The following CSMD3 variants were observed in gnomAD, a reference collection of about 807,000 sequenced individuals.
CSMD3 encodes CUB and sushi domain-containing protein 3.
Under a neutral mutation model 435.2 loss-of-function variants are expected in CSMD3, and 177 were observed. The observed-to-expected ratio is 0.41, with a 90% CI of 0.36 to 0.46. The LOEUF is 0.46. Among genes scored for constraint, CSMD3 ranks in the 20% least tolerant of loss-of-function variants. The pLI, the probability that CSMD3 is intolerant of heterozygous loss-of-function variation, is 0.34. For synonymous variants in CSMD3, 1,656 were observed against 1,520.5 expected, an observed-to-expected ratio of 1.09 and a Z score of -2.07; for missense variants, 4,265 against 4,504.6, an observed-to-expected ratio of 0.95 and a Z score of 1.52.
At chr8:113,225,785 T>C (rs2093020836) in intron 3 of CSMD3, among the ~76,000 whole-genome samples, 1 of 151,508 alleles carries the variant, frequency 6.6e-6, no homozygotes, top group Non-Finnish European at 1.5e-5. Flanking sequence ...AGAGAATTTC[T>C]TTCTTTAATC....
At chr8:112,397,909 A>T (rs1203355209) in intron 35 of CSMD3, among the ~76,000 whole-genome samples, 1 of 152,184 alleles carries the variant, frequency 6.6e-6, no homozygotes, top group Non-Finnish European at 1.5e-5. Context: ...AGCATCAACC[A>T]TAAGTCTAAT....
intron 9 of CSMD3, among the ~76,000 whole-genome samples, chr8:112,941,176 C>T (rs12156217): frequency 0.054 from 8,152 of 151,726 alleles, 231 homozygotes; most frequent in Non-Finnish European, 0.062. Context: ...CAGGCAAAAA[C>T]GCTAAGATAT....
chr8:113,230,025 AT>A, intron 3 of CSMD3, among the ~76,000 whole-genome samples: 1 of 151,704 alleles, frequency 6.6e-6, no homozygotes, highest in East Asian at 1.9e-4. Context: ...AAGAAAAATC[AT>A]CAAGAGATTG....
intron 9 of CSMD3, among the ~76,000 whole-genome samples, chr8:112,936,766 C>CA (rs1337785422): frequency 1.3e-5 from 2 of 151,974 alleles, no homozygotes; most frequent in African/African-American, 4.8e-5. Flanking sequence ...AAATTATTCC[C>CA]AAAATATACT....
chr8:113,317,832 A>G (rs993360794), intron 1 of CSMD3, among the ~76,000 whole-genome samples: 17 of 151,986 alleles, frequency 1.1e-4, no homozygotes, highest in African/African-American at 3.4e-4. Context: ...TATTATGCCT[A>G]TTTTTCTGAA....
chr8:112,555,572 A>G (rs1397127035), intron 25 of CSMD3, among the ~76,000 whole-genome samples: 2 of 151,984 alleles, frequency 1.3e-5, no homozygotes, highest in African/African-American at 4.8e-5. Context: ...CAAAATTCAG[A>G]TGCCGTCTGA....
chr8:112,409,084 G>GAAAAAA, intron 32 of CSMD3, 52 bp from the exon 33 acceptor site: 3 of 1,607,452 alleles, frequency 1.9e-6, no homozygotes, highest in East Asian at 2.2e-5. Context: ...ATCCAAAAAC[G>GAAAAAA]AAAACAAAAA....
intron 16 of CSMD3, among the ~76,000 whole-genome samples, chr8:112,680,412 G>C (rs1048422862): frequency 6.6e-6 from 1 of 152,084 alleles, no homozygotes; most frequent in Non-Finnish European, 1.5e-5. Context: ...TTTTCTTACT[G>C]GTTCCCCAAA....
intron 59 of CSMD3, among the ~76,000 whole-genome samples, chr8:112,280,594 T>C (rs1818536298): frequency 6.9e-6 from 1 of 143,928 alleles, no homozygotes; most frequent in South Asian, 2.3e-4. Flanking sequence ...TTATTGTTGG[T>C]TAAATACTAT....
At chr8:112,881,947 A>T (rs1342405281) in intron 10 of CSMD3, among the ~76,000 whole-genome samples, 1 of 151,902 alleles carries the variant, frequency 6.6e-6, no homozygotes, top group Non-Finnish European at 1.5e-5. Flanking sequence ...GAACAAACAT[A>T]ATATTGTACA....
At chr8:113,108,188 G>C (rs573094830) in intron 4 of CSMD3, among the ~76,000 whole-genome samples, 2 of 152,040 alleles carry the variant, frequency 1.3e-5, no homozygotes, top group Non-Finnish European at 2.9e-5. Flanking sequence ...CCAGCACTTC[G>C]GGAGGCCAAG....
At chr8:112,763,631 T>C (rs1379537334) in intron 13 of CSMD3, among the ~76,000 whole-genome samples, 1 of 148,904 alleles carries the variant, frequency 6.7e-6, no homozygotes, top group Non-Finnish European at 1.5e-5. Flanking sequence ...TTTTTATTCC[T>C]ATGAAACTAT....
chr8:113,314,862 T>C, intron 1 of CSMD3, 69 bp from the exon 2 acceptor site: 1 of 1,100,264 alleles, frequency 9.1e-7, no homozygotes, highest in Non-Finnish European at 1.4e-6. Context: ...GATAATATTA[T>C]TTTGAAAGTC....
At chr8:112,558,563 A>G (rs1027405168) in intron 24 of CSMD3, among the ~76,000 whole-genome samples, 1 of 151,818 alleles carries the variant, frequency 6.6e-6, no homozygotes, top group African/African-American at 2.4e-5. Flanking sequence ...GATCCAATAA[A>G]TTTATTATGC....
chr8:112,272,114 A>T (rs1002402153), intron 59 of CSMD3, among the ~76,000 whole-genome samples: 1 of 152,200 alleles, frequency 6.6e-6, no homozygotes, highest in African/African-American at 2.4e-5. Flanking sequence ...CCCTCACCAG[A>T]CACAGGATCT....
At chr8:112,944,717 A>T (rs966485438) in intron 9 of CSMD3, among the ~76,000 whole-genome samples, 4 of 151,410 alleles carry the variant, frequency 2.6e-5, no homozygotes, top group African/African-American at 4.8e-5. Context: ...ATTTTTCAAC[A>T]GTCCCTGCTT....
At chr8:112,448,778 A>G (rs900945549) in intron 32 of CSMD3, among the ~76,000 whole-genome samples, 99 of 149,200 alleles carry the variant, frequency 6.6e-4, no homozygotes, top group African/African-American at 2.3e-3. Context: ...AAAAAAAAAA[A>G]CCAAAAACCT....
At chr8:112,638,665 G>T (rs1246231654) in intron 21 of CSMD3, 31 bp downstream of exon 21, 3 of 1,320,846 alleles carry the variant, frequency 2.3e-6, no homozygotes, top group Admixed American at 1.7e-5. Flanking sequence ...AAAAGTTACT[G>T]AATGAGCCCT....
chr8:113,316,820 A>AT, intron 1 of CSMD3, among the ~76,000 whole-genome samples: 1 of 144,984 alleles, frequency 6.9e-6, no homozygotes, highest in Non-Finnish European at 1.5e-5. Context: ...AAAATGCTGG[A>AT]TTACAGGAGT....
Sources: gnomAD v4.1 joint callset for allele counts (sites outside exome capture counted in the v4.1 genomes callset) on GRCh38, gnomAD v4.1.1 for gene constraint, MANE v1.5 for transcripts, NCBI Gene and HGNC (gene_info 2026-07-23, HGNC 2026-07-21) for gene names.